RBPJ: variants seen among roughly 807,000 people sequenced by gnomAD.
The protein encoded by RBPJ is recombining binding protein suppressor of hairless.
A neutral mutation model predicts 67.8 loss-of-function variants in RBPJ; 9 were observed. The observed-to-expected ratio is 0.13, with a 90% CI of 0.08 to 0.23. The LOEUF (loss-of-function observed/expected upper bound fraction) is 0.23. Among genes scored for constraint, RBPJ ranks in the 10% least tolerant of loss-of-function variants. The pLI, the probability that RBPJ is intolerant of heterozygous loss-of-function variation, is 1.00. For synonymous variants in RBPJ, 198 were observed against 203.3 expected, an observed-to-expected ratio of 0.97 and a Z score of 0.22; for missense variants, 305 against 595.6, an observed-to-expected ratio of 0.51 and a Z score of 5.08.
chr4:26,399,379 C>G (rs1350853108), intron 2 of RBPJ, among the ~76,000 whole-genome samples: 5 of 152,166 alleles, frequency 3.3e-5, no homozygotes, highest in Non-Finnish European at 7.3e-5. Flanking sequence ...TACGCGGGGA[C>G]CAGGTTCTTC....
At chr4:26,349,904 A>G (rs1305625328) in intron 1 of RBPJ, among the ~76,000 whole-genome samples, 1 of 152,234 alleles carries the variant, frequency 6.6e-6, no homozygotes, top group Non-Finnish European at 1.5e-5. Flanking sequence ...ATGGAATTTC[A>G]GTACACTTTC....
At position 26,246,973 on chromosome 4, in the gene RBPJ, C is replaced by CTTTTT. The variant is rs56160527; in HGVS notation, c.-167+83374_-167+83378dup. 7.0e-3 allele frequency among the ~76,000 whole-genome samples: 850 copies of CTTTTT among 121,874 alleles called. 16 individuals are homozygous for CTTTTT. The highest frequency in any genetic ancestry group is 0.025 in the African/African-American group (807 of 31,772). 80.0% of individuals were successfully genotyped at this position (121,874 alleles called of 152,430 possible). A position where few individuals can be genotyped will look rare whatever the true frequency, so the allele number is the denominator to read the frequency against. On this transcript the variant is annotated intron_variant, in intron 1 of 4. Transcript: ENST00000512351. ...TCTATTATCTATGGAACATAATACG[C>CTTTTT]TTTTTTTTTTTTTTTTTTTGAGACA...
chr4:26,382,214 C>T (rs1342145559), intron 1 of RBPJ, among the ~76,000 whole-genome samples: 1 of 152,204 alleles, frequency 6.6e-6, no homozygotes, highest in Non-Finnish European at 1.5e-5. Flanking sequence ...TGTGTACCTT[C>T]TTTCCCAGTA....
At chr4:26,373,934 T>TC (rs1324954851) in intron 1 of RBPJ, among the ~76,000 whole-genome samples, 2 of 149,712 alleles carry the variant, frequency 1.3e-5, no homozygotes, top group African/African-American at 4.9e-5. Context: ...TTTTTTTTTT[T>TC]TGGAGATGGA....
At chr4:26,288,347 T>G (rs943832788) in intron 1 of RBPJ, among the ~76,000 whole-genome samples, 7 of 152,220 alleles carry the variant, frequency 4.6e-5, no homozygotes, top group African/African-American at 1.7e-4. Context: ...GGCGCTCTCA[T>G]GGCCGATGGC....
In RBPJ at chr4:26,215,280, G is replaced by GGAA. The variant is rs1718662687; in HGVS notation, c.-167+51666_-167+51667insGAA. On this transcript the variant is annotated intron_variant, in intron 1 of 4. Coordinates refer to the RBPJ transcript ENST00000512351. ...GAAAGGAAGGGAGGGAGGAAAAAGA[G>GGAA]AGAGAAAGAAAGAGAAAAAGAGAGA... 3.7e-5 allele frequency among the ~76,000 whole-genome samples: 4 copies of GGAA among 108,626 alleles called. 1 individual carries two copies. The highest frequency in any genetic ancestry group is 5.4e-5 in the Non-Finnish European group (3 of 55,458). The allele number at this position is 108,626 out of a possible 152,430, so 71.3% of individuals were successfully genotyped here. A position where few individuals can be genotyped will look rare whatever the true frequency, so the allele number is the denominator to read the frequency against.
chr4:26,157,945 T>C, the RBPJ span, among the ~76,000 whole-genome samples: 1 of 152,188 alleles, frequency 6.6e-6, no homozygotes, highest in Non-Finnish European at 1.5e-5. Context: ...AGCTACCAGA[T>C]AGCTACAACC....
At chr4:26,156,080 C>T in the RBPJ span, among the ~76,000 whole-genome samples, 1 of 152,172 alleles carries the variant, frequency 6.6e-6, no homozygotes, top group African/African-American at 2.4e-5. Flanking sequence ...GGAAGCTTAA[C>T]CTGTGGGTTG....
chr4:26,359,574 G>A (rs1283826286), intron 1 of RBPJ: 1 of 152,178 alleles, frequency 6.6e-6, no homozygotes, highest in East Asian at 1.9e-4. Flanking sequence ...GGCGCCGGCA[G>A]CCTCGAGGCC....
chr4:26,386,535 C>T (rs538490724), intron 2 of RBPJ, 144 bp downstream of exon 2: 5 of 558,344 alleles, frequency 9.0e-6, no homozygotes, highest in African/African-American at 7.8e-5. Flanking sequence ...AACTTCCTTT[C>T]CCTCATCTCT....
intron 1 of RBPJ, among the ~76,000 whole-genome samples, chr4:26,288,026 T>C (rs1721539091): frequency 6.6e-6 from 1 of 152,234 alleles, no homozygotes; most frequent in Non-Finnish European, 1.5e-5. Flanking sequence ...TTGAATATCC[T>C]TCAATGATAA....
At chr4:26,279,786 T>A (rs1300814292) in intron 1 of RBPJ, among the ~76,000 whole-genome samples, 3 of 47,564 alleles carry the variant, frequency 6.3e-5, no homozygotes, top group African/African-American at 2.1e-4. Context: ...TGAAATTGTC[T>A]TTTTTTTTTT....
chr4:26,131,017 T>C, the RBPJ span, among the ~76,000 whole-genome samples: 2 of 152,216 alleles, frequency 1.3e-5, no homozygotes, highest in Non-Finnish European at 2.9e-5. Context: ...GCCTGTGCCA[T>C]CATGTACCAC....
chr4:26,358,928 C>G lies in RBPJ; in HGVS notation c.21-27425C>G, dbSNP rs137887189. Among the ~76,000 whole-genome samples the G allele has an allele frequency of 1.3e-4, 20 of 152,290 alleles. No individual in the cohort carries two copies. The East Asian group carries it at 3.7e-3, about 28-fold the overall frequency. ...TGTATTAAGTCTTTTCCCCCTTCCACTGTTTTTATCCCAGTTTTTCAAAAG... is the reference window on the plus strand; with the variant it reads ...TGTATTAAGTCTTTTCCCCCTTCCAGTGTTTTTATCCCAGTTTTTCAAAAG... On this transcript the variant is annotated intron_variant, in intron 1 of 10. Coordinates refer to ENST00000355476, the MANE Select transcript of RBPJ (RefSeq NM_015874.6).
intron 1 of RBPJ, among the ~76,000 whole-genome samples, chr4:26,172,938 G>A (rs1716647324): frequency 6.6e-6 from 1 of 152,140 alleles, no homozygotes; most frequent in African/African-American, 2.4e-5. Flanking sequence ...CTTTGGAGGT[G>A]GGGGCAAGTG....
chr4:26,297,970 G>A (rs1268544570), intron 1 of RBPJ, among the ~76,000 whole-genome samples: 5 of 151,712 alleles, frequency 3.3e-5, no homozygotes, highest in Non-Finnish European at 7.4e-5. Context: ...TTGGAAGGGA[G>A]GTACTATTTT....
intron 1 of RBPJ, among the ~76,000 whole-genome samples, chr4:26,286,335 G>T (rs1721465889): frequency 6.6e-6 from 1 of 151,880 alleles, no homozygotes; most frequent in African/African-American, 2.4e-5. Flanking sequence ...AAATTAGCCA[G>T]ATGCGTGGTG....
rs980783593 is a variant in RBPJ at position 26,287,514 on chromosome 4, C to T, written c.-166-74932C>T. ...GCTACAGTAAGTTGTAATCATGCTG[C>T]TGCAGTCCAGCTTGGCTGACAAAGT... On this transcript the variant is annotated intron_variant, in intron 1 of 4. Coordinates refer to the RBPJ transcript ENST00000512351. Among the ~76,000 whole-genome samples, 11 of 146,188 alleles carry T rather than the reference C, an allele frequency of 7.5e-5. 1 individual carries two copies. The South Asian group carries it at 2.4e-3, about 32-fold the overall frequency.
intron 1 of RBPJ, among the ~76,000 whole-genome samples, chr4:26,347,415 A>G (rs534467192): frequency 1.8e-4 from 27 of 152,344 alleles, no homozygotes; most frequent in Middle Eastern, 6.8e-3. Flanking sequence ...AACTGTTAGC[A>G]AACAAGGTAG....
Sources: gnomAD v4.1 joint callset for allele counts (sites outside exome capture counted in the v4.1 genomes callset) on GRCh38, gnomAD v4.1.1 for gene constraint, MANE v1.5 for transcripts, NCBI Gene and HGNC (gene_info 2026-07-23, HGNC 2026-07-21) for gene names.